Variants in ERCC6L2 observed in about 807,000 individuals in gnomAD.
ERCC6L2 encodes ERCC excision repair 6 like 2, also known as DNA excision repair protein ERCC-6-like 2.
In ERCC6L2, 77 loss-of-function variants were observed where a neutral mutation model predicts 132.0. The observed-to-expected ratio is 0.58, with a 90% confidence interval of 0.49 to 0.71. ERCC6L2 has a LOEUF of 0.71. Ranked by LOEUF, ERCC6L2 falls within the 30% of genes least tolerant of loss-of-function variation. The probability of loss-of-function intolerance (pLI) is 0.00; values close to 1 mark genes in which losing one functional copy is unlikely to be tolerated. For synonymous variants in ERCC6L2, 583 were observed against 632.4 expected, an observed-to-expected ratio of 0.92 and a Z score of 1.17; for missense variants, 1,542 against 1,837.6, an observed-to-expected ratio of 0.84 and a Z score of 2.94.
chr9:95,952,403 C>A lies in ERCC6L2; in HGVS notation c.1848-3511C>A, dbSNP rs200102086. Among the ~76,000 whole-genome samples the A allele has an allele frequency of 5.3e-5, 8 of 152,158 alleles. No homozygotes were observed. In the East Asian group the frequency reaches 1.5e-3, roughly 29 times the overall value. On this transcript the variant is annotated intron_variant, in intron 12 of 18. Transcript: ENST00000653738. ...AGCAGCATATTGAAAGGATGATACA[C>A]AGAGTAGGATTTATTCCTGGAATTC... is the stretch of plus-strand genomic sequence containing the variant.
rs765411896 is a variant in ERCC6L2 at position 95,955,984 on chromosome 9, A to G, written c.1918A>G (p.Ile640Val). 1.6e-5 allele frequency: 26 copies of G among 1,607,186 alleles called. No homozygotes were observed. Among genetic ancestry groups the G allele is most frequent in the South Asian group, 3.3e-5 (3 of 90,226 alleles). The change falls in exon 13 of 19, where the codon ATC becomes GTC. Residue 640 changes from isoleucine (I) to valine (V), a missense_variant. Physicochemically the swap from Ile to Val is conservative, Grantham distance 29. This residue lies in a region of ERCC6L2 where 945 missense variants were observed against 1,105.2 expected (regional missense o/e 0.86). Transcript: ENST00000653738. ...GATATCCTTGGGAACTGTGGAGGAA[A>G]TCATGTATTTACGACAGATATACAA... ...RLISLGTVEE[I>V]MYLRQIYKQQ...
intron 17 of ERCC6L2, among the ~76,000 whole-genome samples, chr9:95,986,686 G>A (rs916599502): frequency 7.9e-5 from 12 of 151,744 alleles, no homozygotes; most frequent in South Asian, 4.2e-4. Context: ...TAGTAGAGAC[G>A]GGGTTTTGCC....
intron 17 of ERCC6L2, among the ~76,000 whole-genome samples, chr9:95,983,589 T>C (rs1427408065): frequency 6.6e-6 from 1 of 152,268 alleles, no homozygotes; most frequent in East Asian, 1.9e-4. Context: ...TTTCAAATTC[T>C]ATTTTATCCT....
intron 9 of ERCC6L2, among the ~76,000 whole-genome samples, chr9:95,926,613 A>G (rs1328927778): frequency 2.0e-5 from 3 of 152,284 alleles, no homozygotes; most frequent in Middle Eastern, 3.4e-3. Flanking sequence ...AGTGGTTGCT[A>G]TGGGTTCTGG....
downstream of ERCC6L2, among the ~76,000 whole-genome samples, chr9:96,019,043 C>T (rs142225888): frequency 4.5e-4 from 69 of 152,266 alleles, no homozygotes; most frequent in African/African-American, 1.5e-3. Context: ...GGGAAAAATG[C>T]GTGTGCAGCT....
At chr9:95,916,885 A>G (rs1377955213) in intron 6 of ERCC6L2, among the ~76,000 whole-genome samples, 2 of 151,932 alleles carry the variant, frequency 1.3e-5, no homozygotes, top group South Asian at 2.1e-4. Flanking sequence ...GGGTTTCGCC[A>G]TGTTGTCTAG....
intron 20 of ERCC6L2, among the ~76,000 whole-genome samples, chr9:96,039,750 CCTT>C (rs1287993783): frequency 6.6e-6 from 1 of 152,144 alleles, no homozygotes; most frequent in Non-Finnish European, 1.5e-5. Context: ...CAGCTCCACT[CCTT>C]CTGGCTGCAG....
At chr9:96,033,513 C>T (rs1413323793) in intron 19 of ERCC6L2, among the ~76,000 whole-genome samples, 1 of 152,190 alleles carries the variant, frequency 6.6e-6, no homozygotes, top group Admixed American at 6.5e-5. Flanking sequence ...TCCCAAAGTG[C>T]TGGGATAACA....
rs776612926 is a variant in ERCC6L2, at chr9:95,907,198, G to A, written c.715G>A (p.Val239Ile). The change falls in exon 4 of 19, where the codon GTA becomes ATA. Residue 239 changes from valine to isoleucine, a missense_variant. Transcript: ENST00000653738. ...GNRKDNELIR[V>I]KQRKCEIALT... ...CAGAAAAGATAATGAATTAATTCGT[G>A]TAAAGCAGAGGAAATGTGAAATTGC... is the stretch of plus-strand genomic sequence containing the variant. The A allele has an allele frequency of 1.2e-6, 2 of 1,613,382 alleles. No homozygotes were observed. Among genetic ancestry groups the A allele is most frequent in the Admixed American group, 1.7e-5 (1 of 59,880 alleles).
At chr9:95,928,976 C>T in intron 11 of ERCC6L2, 112 bp downstream of exon 11, 3 of 749,166 alleles carry the variant, frequency 4.0e-6, no homozygotes, top group Non-Finnish European at 5.9e-6. Context: ...TATTTAGAAG[C>T]AGCAAAAATA....
intron 7 of ERCC6L2, among the ~76,000 whole-genome samples, chr9:95,922,085 C>T (rs1371777190): frequency 6.6e-6 from 1 of 152,090 alleles, no homozygotes; most frequent in South Asian, 2.1e-4. Flanking sequence ...AGGATTTTCT[C>T]CCTTTATGAA....
chr9:96,024,553 C>T (rs1189425055), intron 19 of ERCC6L2, among the ~76,000 whole-genome samples: 4 of 152,222 alleles, frequency 2.6e-5, no homozygotes, highest in South Asian at 2.1e-4. Flanking sequence ...TCCGCCTCCT[C>T]CTCCTCACCT....
At chr9:95,891,431 T>C (rs1410458566) in intron 2 of ERCC6L2, among the ~76,000 whole-genome samples, 1 of 152,246 alleles carries the variant, frequency 6.6e-6, no homozygotes, top group Non-Finnish European at 1.5e-5. Flanking sequence ...GTGCATTTAA[T>C]GCATTCAGAA....
In ERCC6L2 at chr9:95,915,640, C is replaced by G. The variant is rs190453948; in HGVS notation, c.789-28C>G. 1.3e-4 allele frequency: 201 copies of G among 1,582,168 alleles called. 2 individuals are homozygous for G. The East Asian group carries it at 2.4e-3, about 19-fold the overall frequency. On this transcript the variant is annotated intron_variant, in intron 4 of 18. Coordinates refer to ENST00000653738, the MANE Select transcript of ERCC6L2 (RefSeq NM_020207.7). ...GACTAAGAAAGGAAGTTTTCTCAACCTCACCCTTCTTTTTTCTTACTTTAT... is the reference window on the plus strand; with the variant it reads ...GACTAAGAAAGGAAGTTTTCTCAACGTCACCCTTCTTTTTTCTTACTTTAT...
Position 95,915,674 on chromosome 9 carries a change from A to G in ERCC6L2, c.795A>G (p.Glu265=). The G allele has an allele frequency of 1.2e-6, 2 of 1,609,528 alleles. No individual in the cohort carries two copies. The highest frequency in any genetic ancestry group is 1.7e-6 in the Non-Finnish European group (2 of 1,178,224). Residue 265 remains glutamate (E), a synonymous_variant, in exon 5 of 19, where the codon GAA becomes GAG. Transcript: ENST00000653738. ...CTTTTTTCTTACTTTATAGTTTGGAATGGTCAGCTGTCATTGTGGATGAAG... is the reference window on the plus strand; with the variant it reads ...CTTTTTTCTTACTTTATAGTTTGGAGTGGTCAGCTGTCATTGTGGATGAAG... ...RLCLDELNSL[E]WSAVIVDEAH...
downstream of ERCC6L2, chr9:96,021,735 G>A (rs903881129): frequency 1.3e-5 from 2 of 151,710 alleles, no homozygotes; most frequent in Non-Finnish European, 2.9e-5. The surrounding 1 kb of genome is among the most constrained non-coding windows in gnomAD (Gnocchi z 4.7). Context: ...TGGATCCCGC[G>A]CGCGTCGCGC....
At chr9:95,929,939 C>T (rs1564234514) in intron 11 of ERCC6L2, among the ~76,000 whole-genome samples, 1 of 152,156 alleles carries the variant, frequency 6.6e-6, no homozygotes, top group Admixed American at 6.5e-5. Context: ...TGCTGAGATC[C>T]TCCATAAAGT....
chr9:95,948,245 A>C (rs1831156058), intron 12 of ERCC6L2, among the ~76,000 whole-genome samples: 1 of 152,236 alleles, frequency 6.6e-6, no homozygotes, highest in South Asian at 2.1e-4. Flanking sequence ...CTCATGGATG[A>C]CTTTGAGGAG....
intron 4 of ERCC6L2, among the ~76,000 whole-genome samples, chr9:95,909,196 G>T (rs988361266): frequency 6.6e-6 from 1 of 152,068 alleles, no homozygotes; most frequent in Non-Finnish European, 1.5e-5. Flanking sequence ...TTTCTGTAAA[G>T]GGCCAGATAG....
Sources: gnomAD v4.1 joint callset for allele counts (sites outside exome capture counted in the v4.1 genomes callset) on GRCh38, gnomAD v4.1.1 for gene constraint, gnomAD v4.1.1 regional missense constraint, Gnocchi (gnomAD v3.1) non-coding constraint, MANE v1.5 for transcripts, NCBI Gene and HGNC (gene_info 2026-07-23, HGNC 2026-07-21) for gene names.